The following TMEM132C variants were observed in gnomAD, a reference collection of about 807,000 sequenced individuals.
TMEM132C encodes protein phosphatase 1, regulatory subunit 152.
A neutral mutation model predicts 61.4 loss-of-function variants in TMEM132C; 29 were observed. The observed-to-expected ratio is 0.47, with a 90% CI of 0.35 to 0.64. The LOEUF is 0.64. Among genes scored for constraint, TMEM132C ranks in the 30% least tolerant of loss-of-function variants. TMEM132C has a pLI of 0.00. For missense variants in TMEM132C, 1,408 were observed against 1,476.9 expected (o/e 0.95, Z 0.76); for synonymous variants, 656 against 633.1 (o/e 1.04, Z -0.54).
chr12:128,499,873 A>G (rs960280768), intron 2 of TMEM132C, among the ~76,000 whole-genome samples: 9 of 152,150 alleles, frequency 5.9e-5, no homozygotes, highest in Non-Finnish European at 1.2e-4. Context: ...TCTCTTCCAT[A>G]TGCTGATTTT....
intron 1 of TMEM132C, among the ~76,000 whole-genome samples, chr12:128,334,818 G>C (rs1029220624): frequency 3.9e-5 from 6 of 152,074 alleles, no homozygotes; most frequent in Non-Finnish European, 8.8e-5. Context: ...GGAGGGTCTC[G>C]ATCTCCTGAC....
At chr12:128,611,526 C>A (rs563388861) in intron 3 of TMEM132C, among the ~76,000 whole-genome samples, 1 of 152,170 alleles carries the variant, frequency 6.6e-6, no homozygotes, top group Non-Finnish European at 1.5e-5. Context: ...TGTCTCACCC[C>A]TTGGAGTGCC....
intron 2 of TMEM132C, among the ~76,000 whole-genome samples, chr12:128,511,585 A>G (rs1303456633): frequency 6.6e-6 from 1 of 152,224 alleles, no homozygotes; most frequent in African/African-American, 2.4e-5. Context: ...CTGTGGAGCC[A>G]CAGACAGTGT....
chr12:128,625,668 C>T (rs555796839), intron 4 of TMEM132C, among the ~76,000 whole-genome samples: 1 of 152,176 alleles, frequency 6.6e-6, no homozygotes, highest in Non-Finnish European at 1.5e-5. Context: ...GGGGAAACTG[C>T]CCCCCGTGAT....
chr12:128,594,558 G>A lies in TMEM132C; in HGVS notation c.1122-21594G>A, dbSNP rs530192869. Among the ~76,000 whole-genome samples the A allele has an allele frequency of 7.2e-4, 109 of 152,234 alleles. 1 individual carries two copies. Among genetic ancestry groups the A allele is most frequent in the African/African-American group, 4.6e-4 (19 of 41,544 alleles). Reference sequence around the variant, plus strand: ...TCCCACCCCTGCACCTGGTGAACCCGGAGCCACCCTCCCTCCCAAGCAAGG... The same window carrying A: ...TCCCACCCCTGCACCTGGTGAACCCAGAGCCACCCTCCCTCCCAAGCAAGG... On this transcript the variant is annotated intron_variant, in intron 3 of 8. Coordinates refer to ENST00000435159, the MANE Select transcript of TMEM132C (RefSeq NM_001136103.3).
intron 2 of TMEM132C, among the ~76,000 whole-genome samples, chr12:128,447,015 G>A (rs1327435871): frequency 6.6e-6 from 1 of 152,168 alleles, no homozygotes; most frequent in African/African-American, 2.4e-5. Context: ...TGGTACACGT[G>A]TGCTAAGGAA....
At chr12:128,378,842 G>A (rs1164921670) in intron 1 of TMEM132C, among the ~76,000 whole-genome samples, 3 of 152,200 alleles carry the variant, frequency 2.0e-5, no homozygotes, top group African/African-American at 7.2e-5. Flanking sequence ...CCAGGGAGAA[G>A]TAATTGAATC....
At chr12:128,297,547 T>C (rs1210791702) in intron 1 of TMEM132C, among the ~76,000 whole-genome samples, 1 of 152,182 alleles carries the variant, frequency 6.6e-6, no homozygotes, top group Non-Finnish European at 1.5e-5. Context: ...CTCTCCTGCT[T>C]AGGGTTAACA....
chr12:128,588,456 A>G (rs916386436), intron 3 of TMEM132C, among the ~76,000 whole-genome samples: 1 of 152,138 alleles, frequency 6.6e-6, no homozygotes, highest in Non-Finnish European at 1.5e-5. Context: ...ATTAAAAAAA[A>G]TCTGTTTCCA....
chr12:128,637,557 T>C (rs142885624), intron 4 of TMEM132C, among the ~76,000 whole-genome samples: 107 of 152,348 alleles, frequency 7.0e-4, no homozygotes, highest in African/African-American at 2.1e-3. Flanking sequence ...TTTGCTGTTC[T>C]CTTTTTTAAG....
chr12:128,552,996 G>T (rs1231085206), intron 3 of TMEM132C, among the ~76,000 whole-genome samples: 1 of 152,204 alleles, frequency 6.6e-6, no homozygotes, highest in Non-Finnish European at 1.5e-5. Flanking sequence ...GCTTGCCTTG[G>T]AGGTTAGAGA....
rs572101126 is a variant in TMEM132C at position 128,467,007 on chromosome 12, C to G, written c.974+51387C>G. ...ACTTGTGGAAGGAGTAGGATTTCAA[C>G]ATGATAAGGAAGAGGGGCTTTCAGG... is the stretch of plus-strand genomic sequence containing the variant. On this transcript the variant is annotated intron_variant, in intron 2 of 8. Coordinates refer to ENST00000435159, the MANE Select transcript of TMEM132C (RefSeq NM_001136103.3). Among the ~76,000 whole-genome samples the G allele has an allele frequency of 1.0e-3, 152 of 152,118 alleles. 2 individuals are homozygous for G. The highest frequency in any genetic ancestry group is 2.0e-3 in the Non-Finnish European group (133 of 68,028).
intron 3 of TMEM132C, among the ~76,000 whole-genome samples, chr12:128,564,160 G>A (rs1768533574): frequency 1.3e-5 from 2 of 152,146 alleles, no homozygotes; most frequent in African/African-American, 4.8e-5. Context: ...TCCTCATAAG[G>A]ACGTGAGTCC....
intron 1 of TMEM132C, among the ~76,000 whole-genome samples, chr12:128,348,154 C>T (rs1047769931): frequency 1.5e-4 from 23 of 152,300 alleles, no homozygotes; most frequent in African/African-American, 5.1e-4. Context: ...TCTTGCACTT[C>T]CTTTGTTAAA....
chr12:128,524,301 C>T (rs1037927708), intron 2 of TMEM132C, among the ~76,000 whole-genome samples: 6 of 152,158 alleles, frequency 3.9e-5, no homozygotes, highest in African/African-American at 1.4e-4. Flanking sequence ...TGGGAGTGTG[C>T]ATTCAAAACA....
At position 128,363,556 on chromosome 12, in the gene TMEM132C, T is replaced by G. The variant is rs371548485; in HGVS notation, c.86-51176T>G. On this transcript the variant is annotated intron_variant, in intron 1 of 8. Transcript: ENST00000435159. ...CACAGGGGAGACGGGGAGAATAAGA[T>G]GGGGTTCCTGGCCAGGTGCGGTGGC... 3.3e-5 allele frequency among the ~76,000 whole-genome samples: 5 copies of G among 152,066 alleles called. No homozygotes were observed. In the East Asian group the frequency reaches 5.8e-4, roughly 18 times the overall value.
chr12:128,521,099 T>C (rs1434471870), intron 2 of TMEM132C, among the ~76,000 whole-genome samples: 1 of 152,028 alleles, frequency 6.6e-6, no homozygotes, highest in African/African-American at 2.4e-5. Context: ...ACACTGATCA[T>C]CAAAAATATC....
At chr12:128,695,610 T>C (rs567536064) in intron 6 of TMEM132C, among the ~76,000 whole-genome samples, 1 of 152,362 alleles carries the variant, frequency 6.6e-6, no homozygotes, top group East Asian at 1.9e-4. Context: ...GCAGACTTGG[T>C]ACATATTAGC....
chr12:128,295,012 T>C (rs111717707), intron 1 of TMEM132C, among the ~76,000 whole-genome samples: 1 of 145,656 alleles, frequency 6.9e-6, no homozygotes, highest in African/African-American at 2.5e-5. Context: ...GGTAGATAGA[T>C]AAGAAGTTCA....
Sources: allele counts gnomAD v4.1 joint callset (sites outside exome capture counted in the v4.1 genomes callset), GRCh38; gene constraint gnomAD v4.1.1; transcripts MANE v1.5; gene names NCBI Gene and HGNC (gene_info 2026-07-23, HGNC 2026-07-21).